The following PPARGC1A variants were observed in gnomAD, a reference collection of about 807,000 sequenced individuals.
The protein encoded by PPARGC1A is PPARG coactivator 1 alpha.
A neutral mutation model predicts 88.7 loss-of-function variants in PPARGC1A; 25 were observed. The ratio of observed to expected loss-of-function variants is 0.28; its 90% confidence interval spans 0.21 to 0.39. The LOEUF is 0.39. Ranked by LOEUF, PPARGC1A falls within the 10% of genes least tolerant of loss-of-function variation. The pLI is 1.00. For missense variants in PPARGC1A, 880 were observed against 968.7 expected, an observed-to-expected ratio of 0.91 and a Z score of 1.22; for synonymous variants, 363 against 355.6, an observed-to-expected ratio of 1.02 and a Z score of -0.24.
chr4:24,157,371 C>T, the PPARGC1A span, among the ~76,000 whole-genome samples: 1 of 152,186 alleles, frequency 6.6e-6, no homozygotes, highest in South Asian at 2.1e-4. Context: ...CTGGGGGACT[C>T]CTTCAGAATC....
chr4:23,974,375 C>A, the PPARGC1A span, among the ~76,000 whole-genome samples: 7 of 152,136 alleles, frequency 4.6e-5, no homozygotes, highest in African/African-American at 1.7e-4. Flanking sequence ...TGTACTAATT[C>A]TTTGCACGTG....
At chr4:24,202,419 A>C in the PPARGC1A span, among the ~76,000 whole-genome samples, 2 of 152,072 alleles carry the variant, frequency 1.3e-5, no homozygotes, top group Non-Finnish European at 2.9e-5. Context: ...AGCCAGGCAC[A>C]TGCAAAGTTC....
the PPARGC1A span, among the ~76,000 whole-genome samples, chr4:24,394,335 GAGA>G: frequency 6.6e-6 from 1 of 152,188 alleles, no homozygotes; most frequent in African/African-American, 2.4e-5. Flanking sequence ...AGCTGGCTGA[GAGA>G]AGGATACAAG....
the PPARGC1A span, among the ~76,000 whole-genome samples, chr4:24,074,858 A>T: frequency 1.3e-5 from 2 of 152,114 alleles, no homozygotes; most frequent in Admixed American, 6.6e-5. Context: ...GTACAAAGAG[A>T]GTGCAATAAA....
At chr4:24,166,826 C>T in the PPARGC1A span, among the ~76,000 whole-genome samples, 2 of 152,168 alleles carry the variant, frequency 1.3e-5, no homozygotes, top group Admixed American at 1.3e-4. Flanking sequence ...AAAAATATTA[C>T]TACTTCTCAT....
chr4:24,304,569 G>T, the PPARGC1A span, among the ~76,000 whole-genome samples: 1 of 152,122 alleles, frequency 6.6e-6, no homozygotes, highest in East Asian at 1.9e-4. Context: ...AACCCAGGTG[G>T]TCTGGCTCCA....
chr4:24,440,856 TA>T, the PPARGC1A span, among the ~76,000 whole-genome samples: 1 of 152,070 alleles, frequency 6.6e-6, no homozygotes, highest in Non-Finnish European at 1.5e-5. Context: ...TGCCAACATT[TA>T]AAAATCAGGA....
the PPARGC1A span, among the ~76,000 whole-genome samples, chr4:24,113,215 C>T: frequency 3.9e-5 from 6 of 152,018 alleles, no homozygotes; most frequent in Non-Finnish European, 8.8e-5. Flanking sequence ...TTGATATGTA[C>T]CCAGCAAGTG....
chr4:24,355,622 ATTG>A, the PPARGC1A span, among the ~76,000 whole-genome samples: 5 of 152,134 alleles, frequency 3.3e-5, no homozygotes, highest in African/African-American at 1.2e-4. Flanking sequence ...GAGACACTTC[ATTG>A]TTGTTATTGT....
At chr4:23,942,705 A>G in the PPARGC1A span, among the ~76,000 whole-genome samples, 1 of 151,900 alleles carries the variant, frequency 6.6e-6, no homozygotes, top group Non-Finnish European at 1.5e-5. Flanking sequence ...TTTCATAATC[A>G]CCTCCCATTT....
the PPARGC1A span, among the ~76,000 whole-genome samples, chr4:24,270,546 A>C: frequency 1.3e-5 from 2 of 152,198 alleles, no homozygotes; most frequent in Non-Finnish European, 2.9e-5. Context: ...AAATTCCCAG[A>C]AAGATTATGA....
At position 23,801,617 on chromosome 4, in the gene PPARGC1A, C is replaced by T. The variant is rs1002837260; in HGVS notation, c.2293+113G>A. ...TCTTAAAAATCTGTATTCAAACATTCCCTTTAGTAAAATAAAGTGATGGTT... is the reference window on the plus strand; with the variant it reads ...TCTTAAAAATCTGTATTCAAACATTTCCTTTAGTAAAATAAAGTGATGGTT... On this transcript the variant is annotated intron_variant, in intron 12 of 12. Coordinates refer to ENST00000264867, the MANE Select transcript of PPARGC1A (RefSeq NM_013261.5). 18 of 1,166,192 alleles carry T rather than the reference C, an allele frequency of 1.5e-5. No individual in the cohort carries two copies. In the Admixed American group the frequency reaches 1.6e-4, roughly 11 times the overall value. The allele number at this position is 1,166,192 out of a possible 1,614,324, so 72.2% of individuals were successfully genotyped here. A position where few individuals can be genotyped will look rare whatever the true frequency, so the allele number is the denominator to read the frequency against.
chr4:23,858,957 A>G (rs2148701326), intron 2 of PPARGC1A, among the ~76,000 whole-genome samples: 1 of 149,260 alleles, frequency 6.7e-6, no homozygotes, highest in East Asian at 1.9e-4. Flanking sequence ...TTATATTTAT[A>G]TTTTGTAGAA....
At chr4:24,256,959 T>C in the PPARGC1A span, among the ~76,000 whole-genome samples, 2 of 152,186 alleles carry the variant, frequency 1.3e-5, no homozygotes, top group Admixed American at 1.3e-4. Context: ...AAATGAGCTC[T>C]AGTTGTTGAA....
At position 23,824,506 on chromosome 4, in the gene PPARGC1A, T is replaced by C. The variant is rs773207064; in HGVS notation, c.760A>G (p.Lys254Glu). 1.3e-6 allele frequency: 2 copies of C among 1,596,568 alleles called. No homozygotes were observed. The highest frequency in any genetic ancestry group is 3.5e-5 in the Admixed American group (2 of 57,418). The part of the protein sequence containing the change: ...TQSQSQHLQA[K>E]PTTLSLPLTP... Reference sequence around the variant, plus strand: ...AGAGGAAGAGATAAAGTTGTTGGTTTGGCTAAAGAAAAAAAAAAGAAACTA... The same window carrying C: ...AGAGGAAGAGATAAAGTTGTTGGTTCGGCTAAAGAAAAAAAAAAGAAACTA... The change falls in exon 6 of 13, where the codon AAA becomes GAA. Residue 254 changes from lysine to glutamate, a missense_variant and splice_region_variant. By Grantham distance (56) the Lys-to-Glu change is moderately conservative (BLOSUM62 1). Coordinates refer to ENST00000264867, the MANE Select transcript of PPARGC1A (RefSeq NM_013261.5).
At chr4:24,055,631 G>A in the PPARGC1A span, among the ~76,000 whole-genome samples, 3 of 152,186 alleles carry the variant, frequency 2.0e-5, no homozygotes, top group Non-Finnish European at 4.4e-5. Context: ...TTGAGTTATT[G>A]GGAAAAGTAA....
the PPARGC1A span, among the ~76,000 whole-genome samples, chr4:24,310,885 A>C: frequency 6.6e-6 from 1 of 152,122 alleles, no homozygotes; most frequent in Admixed American, 6.5e-5. Flanking sequence ...GCTGGCTTAA[A>C]TGTTGGAACA....
chr4:24,128,143 T>C, the PPARGC1A span, among the ~76,000 whole-genome samples: 2 of 152,152 alleles, frequency 1.3e-5, no homozygotes, highest in African/African-American at 2.4e-5. Context: ...CTGTGGAGCA[T>C]GCTTTGATCA....
the PPARGC1A span, among the ~76,000 whole-genome samples, chr4:23,992,638 G>A: frequency 6.1e-5 from 9 of 147,954 alleles, no homozygotes; most frequent in Non-Finnish European, 1.2e-4. Context: ...ATTGTTAATC[G>A]TACCTTTTGA....
Sources: allele counts gnomAD v4.1 joint callset (sites outside exome capture counted in the v4.1 genomes callset), GRCh38; gene constraint gnomAD v4.1.1; transcripts MANE v1.5; gene names NCBI Gene and HGNC (gene_info 2026-07-23, HGNC 2026-07-21).